The following GALNT10 variants were observed in gnomAD, a reference collection of about 807,000 sequenced individuals.
The protein encoded by GALNT10 is polypeptide N-acetylgalactosaminyltransferase 10.
In GALNT10, 41 loss-of-function variants were observed where a neutral mutation model predicts 75.0. The ratio of observed to expected loss-of-function variants is 0.55; its 90% CI spans 0.43 to 0.71. The LOEUF (loss-of-function observed/expected upper bound fraction) is 0.71. GALNT10 is among the 30% of genes least tolerant of loss of function. GALNT10 has a pLI of 0.00. For synonymous variants in GALNT10, 302 were observed against 313.0 expected, an observed-to-expected ratio of 0.96 and a Z score of 0.37; for missense variants, 727 against 818.5, an observed-to-expected ratio of 0.89 and a Z score of 1.36.
chr5:154,381,881 GATTAC>G (rs1755740341), intron 6 of GALNT10, among the ~76,000 whole-genome samples: 1 of 152,116 alleles, frequency 6.6e-6, no homozygotes, highest in Admixed American at 6.5e-5. Flanking sequence ...TAAGCCCTGT[GATTAC>G]ATTAATGATA....
At chr5:154,252,481 T>G (rs367627649) in intron 1 of GALNT10, among the ~76,000 whole-genome samples, 1 of 152,178 alleles carries the variant, frequency 6.6e-6, no homozygotes, top group African/African-American at 2.4e-5. Context: ...TTTCCTTGCG[T>G]ATCTTGTTGT....
chr5:154,401,366 C>T (rs1216071138), intron 7 of GALNT10, among the ~76,000 whole-genome samples: 1 of 152,226 alleles, frequency 6.6e-6, no homozygotes, highest in Admixed American at 6.5e-5. Context: ...CCCACCTGCT[C>T]AGGGCCACTG....
At position 154,351,364 on chromosome 5, in the gene GALNT10, A is replaced by C. The variant is rs181950383; in HGVS notation, c.568+21626A>C. On this transcript the variant is annotated intron_variant, in intron 4 of 11. Transcript: ENST00000297107. Reference sequence around the variant, plus strand: ...TGCAGCCTTGTGTCCACTCATCTGGAGCTCACCTGGGGCTCACCTAAGGCA... The same window carrying C: ...TGCAGCCTTGTGTCCACTCATCTGGCGCTCACCTGGGGCTCACCTAAGGCA... 9.3e-4 allele frequency among the ~76,000 whole-genome samples: 141 copies of C among 152,290 alleles called. No homozygotes were observed. In the South Asian group the frequency reaches 0.011, roughly 11 times the overall value.
rs530766655 is a variant in GALNT10 at position 154,416,442 on chromosome 5, A to T, written c.1654-372A>T. On this transcript the variant is annotated intron_variant, in intron 11 of 11. Coordinates refer to ENST00000297107, the MANE Select transcript of GALNT10 (RefSeq NM_198321.4). The surrounding 1 kb of genome is among the most constrained non-coding windows in gnomAD (Gnocchi z 4.5). ...AGTGAGAACCTGTCTCAAAAAAATT[A>T]AAAAAATTAAAAAAATAAAAGATAA... Among the ~76,000 whole-genome samples the T allele has an allele frequency of 1.0e-4, 15 of 150,688 alleles. No homozygotes were observed. The highest frequency in any genetic ancestry group is 2.1e-4 in the South Asian group (1 of 4,746).
chr5:154,249,709 T>C (rs1383433669), intron 1 of GALNT10, among the ~76,000 whole-genome samples: 3 of 152,130 alleles, frequency 2.0e-5, no homozygotes, highest in Admixed American at 2.0e-4. Context: ...AAACTCCCCA[T>C]GTCACAGGAG....
chr5:154,308,518 G>A (rs901169909), intron 3 of GALNT10, among the ~76,000 whole-genome samples: 46 of 152,338 alleles, frequency 3.0e-4, no homozygotes, highest in African/African-American at 1.1e-3. Context: ...GCCCCACGTG[G>A]CATCACCAGC....
intron 1 of GALNT10, among the ~76,000 whole-genome samples, chr5:154,269,934 G>A (rs1341221288): frequency 1.3e-5 from 2 of 152,174 alleles, no homozygotes; most frequent in African/African-American, 4.8e-5. Flanking sequence ...GAAGCTAGCA[G>A]AACAAGTCCA....
chr5:154,292,929 TA>T (rs982750378), intron 1 of GALNT10, among the ~76,000 whole-genome samples: 1 of 152,202 alleles, frequency 6.6e-6, no homozygotes, highest in Non-Finnish European at 1.5e-5. Context: ...CTGTGATTTC[TA>T]AGAATGCTGA....
Position 154,401,568 on chromosome 5 carries a change from C to G in GALNT10, c.1057-2536C>G, listed in dbSNP as rs114029428. 2.7e-3 allele frequency among the ~76,000 whole-genome samples: 404 copies of G among 152,284 alleles called. 2 individuals carry two copies. Among genetic ancestry groups the G allele is most frequent in the African/African-American group, 7.6e-3 (315 of 41,548 alleles). ...CTTGACATTAATCTACCATCAGGAG[C>G]CCATTATCTCGAGACCAATGTTCTG... On this transcript the variant is annotated intron_variant, in intron 7 of 11. Coordinates refer to ENST00000297107, the MANE Select transcript of GALNT10 (RefSeq NM_198321.4).
At chr5:154,382,154 C>T (rs2113180276) in intron 6 of GALNT10, among the ~76,000 whole-genome samples, 2 of 152,328 alleles carry the variant, frequency 1.3e-5, no homozygotes, top group Middle Eastern at 3.4e-3. Context: ...GGTGCATACC[C>T]AGGGCTCCTG....
chr5:154,412,027 A>G lies in GALNT10; in HGVS notation c.1387-862A>G, dbSNP rs1481908766. On this transcript the variant is annotated intron_variant, in intron 9 of 11. Coordinates refer to ENST00000297107, the MANE Select transcript of GALNT10 (RefSeq NM_198321.4). The surrounding 1 kb of genome is among the most constrained non-coding windows in gnomAD (Gnocchi z 4.2). The stretch of plus-strand genomic sequence containing the variant: ...CAGCCAGAGGAGTTCAACATCTCGC[A>G]AGAGTGGGTCTGCCTCACCCATTGG... Among the ~76,000 whole-genome samples the G allele has an allele frequency of 6.6e-6, 1 of 152,182 alleles. No homozygotes were observed. Among genetic ancestry groups the G allele is most frequent in the Non-Finnish European group, 1.5e-5 (1 of 68,032 alleles).
intron 3 of GALNT10, among the ~76,000 whole-genome samples, chr5:154,327,702 G>A (rs1472815724): frequency 3.3e-5 from 5 of 152,198 alleles, no homozygotes; most frequent in African/African-American, 9.7e-5. Flanking sequence ...TGGGGTGAAC[G>A]AATAGTTGAT....
intron 3 of GALNT10, among the ~76,000 whole-genome samples, chr5:154,310,612 C>T (rs544933211): frequency 3.3e-5 from 5 of 151,972 alleles, no homozygotes; most frequent in Admixed American, 6.6e-5. Flanking sequence ...GGATTACAGG[C>T]GCATACCACC....
intron 1 of GALNT10, among the ~76,000 whole-genome samples, chr5:154,273,086 C>T (rs1359691227): frequency 6.6e-6 from 1 of 152,076 alleles, no homozygotes; most frequent in Non-Finnish European, 1.5e-5. Context: ...GAGAGAGTGG[C>T]CTCAGAGCCA....
At chr5:154,395,480 G>A (rs1174575808) in intron 7 of GALNT10, among the ~76,000 whole-genome samples, 1 of 152,224 alleles carries the variant, frequency 6.6e-6, no homozygotes, top group East Asian at 1.9e-4. Flanking sequence ...GCTTAGCTCA[G>A]TGCCTGGAAC....
chr5:154,290,272 T>A (rs1754177075), intron 1 of GALNT10, among the ~76,000 whole-genome samples: 1 of 144,524 alleles, frequency 6.9e-6, no homozygotes, highest in Admixed American at 6.8e-5. Context: ...TTTTTTTTTT[T>A]TTTTTTTTTT....
intron 1 of GALNT10, chr5:154,219,614 G>A (rs1203642519): frequency 1.3e-5 from 2 of 152,182 alleles, no homozygotes; most frequent in African/African-American, 4.8e-5. Flanking sequence ...CGGCTTCCTG[G>A]TGCCACCTTA....
chr5:154,337,181 A>G (rs1392329228), intron 4 of GALNT10, among the ~76,000 whole-genome samples: 1 of 152,212 alleles, frequency 6.6e-6, no homozygotes, highest in Non-Finnish European at 1.5e-5. Context: ...TTAGCAATCA[A>G]CAGCATGGGT....
chr5:154,249,324 G>A (rs1753479156), intron 1 of GALNT10, among the ~76,000 whole-genome samples: 1 of 152,176 alleles, frequency 6.6e-6, no homozygotes, highest in Non-Finnish European at 1.5e-5. Context: ...TGTCCTAGGT[G>A]CTCTTTCTGT....
Sources: allele counts gnomAD v4.1 joint callset (sites outside exome capture counted in the v4.1 genomes callset), GRCh38; gene constraint gnomAD v4.1.1; non-coding constraint Gnocchi (gnomAD v3.1); transcripts MANE v1.5; gene names NCBI Gene and HGNC (gene_info 2026-07-23, HGNC 2026-07-21).